FLG: variants seen among roughly 807,000 people sequenced by gnomAD.
FLG encodes filaggrin.
FLG carries 6 observed loss-of-function variants against 3.8 expected under a neutral mutation model. The observed-to-expected ratio is 1.60, with a 90% CI of 0.87 to 3.15. The LOEUF (loss-of-function observed/expected upper bound fraction) is 3.15. Among genes scored for constraint, FLG ranks in the 30% most tolerant of loss-of-function variants. The pLI, the probability that FLG is intolerant of heterozygous loss-of-function variation, is 0.00. For missense variants in FLG, 7,595 were observed against 5,050.9 expected (o/e 1.50, Z -15.27); for synonymous variants, 2,551 against 1,931.6 (o/e 1.32, Z -8.41).
chr1:152,303,474 T>A lies in FLG; in HGVS notation c.11412A>T (p.Ser3804=). 2 of 1,613,890 alleles carry A rather than the reference T, an allele frequency of 1.2e-6. No homozygotes were observed. The highest frequency in any genetic ancestry group is 8.5e-7 in the Non-Finnish European group (1 of 1,179,972). ...TTTCTCTGCTTGCACTTCTGGATCC[T>A]GACTGCCCATGGGAGGCATCAGACC... ...QGRSDASHGQ[S]GSRSASRETR... Residue 3804 remains serine (S), a synonymous_variant, in exon 3 of 3, where the codon TCA becomes TCT. Transcript: ENST00000368799.
Position 152,302,631 on chromosome 1 carries a change from A to G in FLG, c.*69T>C, listed in dbSNP as rs1272920975. 1.3e-6 allele frequency: 2 copies of G among 1,582,776 alleles called. No individual in the cohort carries two copies. Among genetic ancestry groups the G allele is most frequent in the Non-Finnish European group, 1.7e-6 (2 of 1,163,730 alleles). Reference sequence around the variant, plus strand: ...GATAACTTCCCTGAAAGTATTATGAAGTTTCTTGATTGAAAGTGAACTTGC... The same window carrying G: ...GATAACTTCCCTGAAAGTATTATGAGGTTTCTTGATTGAAAGTGAACTTGC... On this transcript the variant is annotated 3_prime_UTR_variant, in exon 3 of 3. Transcript: ENST00000368799.
At chr1:152,314,904 A>G in intron 2 of FLG, 157 bp from the exon 3 acceptor site, 1 of 810,786 alleles carries the variant, frequency 1.2e-6, no homozygotes, top group Non-Finnish European at 1.9e-6. Flanking sequence ...ATCCTCATTC[A>G]GGTGTTATAT....
rs773919399 is a variant in FLG, at chr1:152,308,778, G to T, written c.6108C>A (p.His2036Gln). Reference sequence around the variant, plus strand: ...TGGCCTGACTACCACTGTACCCTCGGTGTCCACTGTCTCTGACTGCAGATG... The same window carrying T: ...TGGCCTGACTACCACTGTACCCTCGTTGTCCACTGTCTCTGACTGCAGATG... ...QASSAVRDSG[H>Q]RGYSGSQASD... The change falls in exon 3 of 3, where the codon CAC (histidine) becomes CAA (glutamine). Residue 2036 changes from histidine (H) to glutamine (Q), a missense_variant. Coordinates refer to ENST00000368799, the MANE Select transcript of FLG (RefSeq NM_002016.2). 1.2e-5 allele frequency: 19 copies of T among 1,614,022 alleles called. No homozygotes were observed. The highest frequency in any genetic ancestry group is 1.5e-5 in the Non-Finnish European group (18 of 1,180,022).
In FLG at chr1:152,309,980, G is replaced by T. The variant is rs1652277058; in HGVS notation, c.4906C>A (p.His1636Asn). 6.2e-7 allele frequency: 1 copy of T among 1,613,916 alleles called. No homozygotes were observed. The change falls in exon 3 of 3, where the codon CAT (histidine) becomes AAT (asparagine). Residue 1636 changes from histidine (H) to asparagine (N), a missense_variant. His to Asn is a moderately conservative substitution (Grantham distance 68). Transcript: ENST00000368799. ...SRHGSRNPRS[H>N]QEDRASHGHS... ...CCATGACTGGCTCTATCTTCTTGAT[G>T]GGACCTGGGGTTCCTGGAGCCATGT...
At position 152,304,972 on chromosome 1, in the gene FLG, C is replaced by T. The variant is rs147439082; in HGVS notation, c.9914G>A (p.Arg3305His). The change falls in exon 3 of 3, where the codon CGC (arginine) becomes CAC (histidine). Residue 3305 changes from arginine to histidine, a missense_variant. Arg to His is a conservative substitution (Grantham distance 29, BLOSUM62 0). Transcript: ENST00000368799. ...RSSPGERHGSRHQQSADSSRH... is the reference protein window; with the variant it reads ...RSSPGERHGSHHQQSADSSRH... ...GGAGCTGTCTGCTGACTGCTGGTGG[C>T]GGGATCCGTGTCTCTCTCCTGGACT... is the stretch of plus-strand genomic sequence containing the variant. The T allele has an allele frequency of 1.7e-4, 271 of 1,613,288 alleles. No individual in the cohort carries two copies. The highest frequency in any genetic ancestry group is 4.2e-4 in the Admixed American group (25 of 59,954).
rs769027052 is a variant in FLG, at chr1:152,313,492, G to T, written c.1394C>A (p.Ser465Ter). 5.0e-6 allele frequency: 8 copies of T among 1,613,908 alleles called. No homozygotes were observed. The South Asian group carries it at 8.8e-5, about 18-fold the overall frequency. ...GCTCACCTGGTAGAGGGAAGACCCT[G>T]AACGTCCAGACCGTTCCCCTGACCG... Reference protein sequence around the residue: ...RGRSGERSGRSGSSLYQVSTH... With the variant: ...RGRSGERSGR Residue 465 changes from serine (S) to a stop codon, truncating the protein, a stop_gained, in exon 3 of 3, where the codon TCA (serine) becomes TAA (stop). Coordinates refer to ENST00000368799, the MANE Select transcript of FLG (RefSeq NM_002016.2). LOFTEE classifies it low-confidence loss of function (END_TRUNC).
chr1:152,311,800 G>A lies in FLG; in HGVS notation c.3086C>T (p.Pro1029Leu), dbSNP rs1652448781. Residue 1029 changes from proline to leucine, a missense_variant, in exon 3 of 3, where the codon CCA becomes CTA. Coordinates refer to ENST00000368799, the MANE Select transcript of FLG (RefSeq NM_002016.2). ...ASSHEQARSS[P>L]GERHGSRHQQ... ...GTGGCGGGATCCGTGTCTTTCTCCT[G>A]GACTTGATCTTGCCTGTTCATGGGA... 1 of 1,614,088 alleles carries A rather than the reference G, an allele frequency of 6.2e-7. No homozygotes were observed.
In FLG at chr1:152,309,125, CCTGG is replaced by C. The variant is rs761355713; in HGVS notation, c.5757_5760del (p.Ser1919ArgfsTer175). ...TCTGAGTGTCCCTGACTGTCACTGT[CCTGG>C]CTAACACTGGATCCCTGGTTCCTGC... On this transcript the variant is annotated frameshift_variant, in exon 3 of 3. Coordinates refer to ENST00000368799, the MANE Select transcript of FLG (RefSeq NM_002016.2). LOFTEE classifies it low-confidence loss of function (END_TRUNC). 3 of 1,613,818 alleles carry C rather than the reference CCTGG, an allele frequency of 1.9e-6. No individual in the cohort carries two copies. In the East Asian group the frequency reaches 6.7e-5, roughly 36 times the overall value.
Position 152,311,321 on chromosome 1 carries a change from C to A in FLG, c.3565G>T (p.Gly1189Ter), listed in dbSNP as rs1488055067. ...TGGCTGTGATGGGACCCTGAGTGTC[C>A]AGATCTATCTACCGATTGCTCATGG... The part of the protein sequence containing the change: ...SHHEQSVDRS[G>*]HSGSHHSHTT... The change falls in exon 3 of 3, where the codon GGA becomes TGA. Residue 1189 changes from glycine to a stop codon, truncating the protein, a stop_gained. Transcript: ENST00000368799. LOFTEE classifies it low-confidence loss of function (END_TRUNC). 2 of 1,613,784 alleles carry A rather than the reference C, an allele frequency of 1.2e-6. No individual in the cohort carries two copies. The highest frequency in any genetic ancestry group is 2.2e-5 in the South Asian group (2 of 91,042).
In FLG at chr1:152,309,231, G is replaced by T. The variant is rs199567641; in HGVS notation, c.5655C>A (p.His1885Gln). ...TGTCGGCCCGAGAGGAAGCTTCATG[G>T]TGACGCGACCCTGAGTGCCTGGAGC... ...GDGSRHSGSRHHEASSRADSS... is the reference protein window; with the variant it reads ...GDGSRHSGSRQHEASSRADSS... The change falls in exon 3 of 3, where the codon CAC (histidine) becomes CAA (glutamine). Residue 1885 changes from histidine to glutamine, a missense_variant. His to Gln is a conservative substitution (Grantham distance 24). Coordinates refer to ENST00000368799, the MANE Select transcript of FLG (RefSeq NM_002016.2). 1.2e-6 allele frequency: 2 copies of T among 1,613,328 alleles called. No homozygotes were observed. Among genetic ancestry groups the T allele is most frequent in the South Asian group, 1.1e-5 (1 of 91,052 alleles).
rs137997325 is a variant in FLG, at chr1:152,313,254, G to T, written c.1632C>A (p.Ser544=). ...CCTGGGATGTGGTGTGGCTGTGATG[G>T]GAACCTGAGTGTCCAGACCTATTTA... is the stretch of plus-strand genomic sequence containing the variant. ...QSVNRSGHSG[S]HHSHTTSQGR... Residue 544 remains serine (S), a synonymous_variant, in exon 3 of 3, where the codon TCC becomes TCA. Transcript: ENST00000368799. 1.1e-5 allele frequency: 18 copies of T among 1,613,742 alleles called. No individual in the cohort carries two copies. In the African/African-American group the frequency reaches 2.4e-4, roughly 22 times the overall value.
Position 152,311,649 on chromosome 1 carries a change from C to A in FLG, c.3237G>T (p.Glu1079Asp). 6.2e-7 allele frequency: 1 copy of A among 1,614,100 alleles called. No individual in the cohort carries two copies. The highest frequency in any genetic ancestry group is 8.5e-7 in the Non-Finnish European group (1 of 1,180,002). ...SQASDSEGHS[E>D]ESDTQSVSGH... ...CTGACACTGACTGTGTGTCTGACTC[C>A]TCTGAATGTCCCTCACTATCACTGG... The change falls in exon 3 of 3, where the codon GAG (glutamate) becomes GAT (aspartate). Residue 1079 changes from glutamate (E) to aspartate (D), a missense_variant. Physicochemically the swap from Glu to Asp is conservative, Grantham distance 45. Transcript: ENST00000368799.
Position 152,313,313 on chromosome 1 carries a change from C to A in FLG, c.1573G>T (p.Gly525Ter), listed in dbSNP as rs144189912. ...TCGTGGTGGGATCCCTGCCTTCCTC[C>A]TCTGCTTGACCCCGGGTGTCCACGA... Reference protein sequence around the residue: ...TIRGHPGSSRGGRQGSHHEQS... With the variant: ...TIRGHPGSSR The change falls in exon 3 of 3, where the codon GGA becomes TGA. Residue 525 changes from glycine to a stop codon, truncating the protein, a stop_gained. Transcript: ENST00000368799. LOFTEE classifies it low-confidence loss of function (END_TRUNC). 1.2e-6 allele frequency: 2 copies of A among 1,613,398 alleles called. No individual in the cohort carries two copies. The highest frequency in any genetic ancestry group is 1.7e-6 in the Non-Finnish European group (2 of 1,179,950).
rs952966444 is a variant in FLG at position 152,315,474 on chromosome 1, G to T, written c.-18C>A. 1 of 1,605,382 alleles carries T rather than the reference G, an allele frequency of 6.2e-7. No homozygotes were observed. The highest frequency in any genetic ancestry group is 1.3e-5 in the African/African-American group (1 of 74,646). On this transcript the variant is annotated 5_prime_UTR_variant, in exon 2 of 3. Transcript: ENST00000368799. ...GTAGACATCTTTTGGCAATAAATGTGAACCTAGAAAGAAGAAATGAAAATG... is the reference window on the plus strand; with the variant it reads ...GTAGACATCTTTTGGCAATAAATGTTAACCTAGAAAGAAGAAATGAAAATG...
Position 152,314,284 on chromosome 1 carries a change from C to G in FLG, c.602G>C (p.Ser201Thr), listed in dbSNP as rs749043944. Residue 201 changes from serine to threonine, a missense_variant, in exon 3 of 3, where the codon AGT (serine) becomes ACT (threonine). Physicochemically the swap from Ser to Thr is moderately conservative, Grantham distance 58. Coordinates refer to ENST00000368799, the MANE Select transcript of FLG (RefSeq NM_002016.2). ...TRLGDNRKRL[S>T]ERLEEKEDNE... is the part of the protein sequence containing the mutation. The stretch of plus-strand genomic sequence containing the variant: ...GTCTTCTTTCTCTTCAAGTCTTTCA[C>G]TTAGCCTCTTCCTATTGTCTCCTAA... The G allele has an allele frequency of 1.2e-6, 2 of 1,613,570 alleles. No homozygotes were observed. Among genetic ancestry groups the G allele is most frequent in the Non-Finnish European group, 1.7e-6 (2 of 1,179,926 alleles).
chr1:152,308,429 G>C lies in FLG; in HGVS notation c.6457C>G (p.His2153Asp). The C allele has an allele frequency of 6.2e-7, 1 of 1,613,876 alleles. No homozygotes were observed. The highest frequency in any genetic ancestry group is 8.5e-7 in the Non-Finnish European group (1 of 1,179,930). ...GPSRGGRQGS[H>D]QEQSVDRSGH... ...GACCTATCTACCGATTGCTCTTGGT[G>C]GGACCCCTGTCTTCCTCCTCTGCTT... The change falls in exon 3 of 3, where the codon CAC becomes GAC. Residue 2153 changes from histidine to aspartate, a missense_variant. Physicochemically the swap from His to Asp is moderately conservative, Grantham distance 81. Coordinates refer to ENST00000368799, the MANE Select transcript of FLG (RefSeq NM_002016.2).
chr1:152,309,773 C>G lies in FLG; in HGVS notation c.5113G>C (p.Val1705Leu). 6.2e-7 allele frequency: 1 copy of G among 1,614,050 alleles called. No individual in the cohort carries two copies. Among genetic ancestry groups the G allele is most frequent in the Non-Finnish European group, 8.5e-7 (1 of 1,180,002 alleles). The stretch of plus-strand genomic sequence containing the variant: ...CCTCGGTTTCCACTGTCTCCGACTA[C>G]AGATGAATCTTGTCTGCGCCCAGTG... ...SGTGRRQDSS[V>L]VGDSGNRGSS... Residue 1705 changes from valine (V) to leucine (L), a missense_variant, in exon 3 of 3, where the codon GTA becomes CTA. Val to Leu is a conservative substitution (Grantham distance 32). Coordinates refer to ENST00000368799, the MANE Select transcript of FLG (RefSeq NM_002016.2).
At position 152,310,879 on chromosome 1, in the gene FLG, G is replaced by C. The variant is rs768261851; in HGVS notation, c.4007C>G (p.Ser1336Cys). The C allele has an allele frequency of 6.2e-7, 1 of 1,614,046 alleles. No homozygotes were observed. The change falls in exon 3 of 3, where the codon TCT (serine) becomes TGT (cysteine). Residue 1336 changes from serine (S) to cysteine (C), a missense_variant. Physicochemically the swap from Ser to Cys is moderately radical, Grantham distance 112 (BLOSUM62 -1). Transcript: ENST00000368799. Reference sequence around the variant, plus strand: ...TGACACAGCCTGTCCATGAGAGGAAGACTCTGTGTGATGAGTGCCTGATTG... The same window carrying C: ...TGACACAGCCTGTCCATGAGAGGAACACTCTGTGTGATGAGTGCCTGATTG... ...SRQSGTHHTESSSHGQAVSSH... is the reference protein window; with the variant it reads ...SRQSGTHHTECSSHGQAVSSH...
Position 152,303,267 on chromosome 1 carries a change from T to G in FLG, c.11619A>C (p.Pro3873=). Residue 3873 remains proline (P), a synonymous_variant, in exon 3 of 3, where the codon CCA becomes CCC. Coordinates refer to ENST00000368799, the MANE Select transcript of FLG (RefSeq NM_002016.2). ...ACTCAGATCGCCTCTCAGAGTCCTC[T>G]GGGTATGCCTCACTGTCACTGTCCT... ...VSQDSDSEAY[P]EDSERRSESA... 1 of 1,614,070 alleles carries G rather than the reference T, an allele frequency of 6.2e-7. No homozygotes were observed. Among genetic ancestry groups the G allele is most frequent in the Non-Finnish European group, 8.5e-7 (1 of 1,180,016 alleles).
Sources: gnomAD v4.1 joint callset for allele counts on GRCh38, gnomAD v4.1.1 for gene constraint, MANE v1.5 for transcripts, NCBI Gene and HGNC (gene_info 2026-07-23, HGNC 2026-07-21) for gene names.